Variants in SBF2 observed in about 807,000 individuals in gnomAD.
SBF2 encodes SET binding factor 2.
SBF2 carries 112 observed loss-of-function variants against 225.2 expected under a neutral mutation model. That is an observed-to-expected ratio of 0.50 (90% CI 0.43 to 0.58). SBF2 has a LOEUF of 0.58. SBF2 is among the 20% of genes least tolerant of loss of function. SBF2 has a pLI of 0.00. For missense variants in SBF2, 1,996 were observed against 2,206.2 expected, an observed-to-expected ratio of 0.90 and a Z score of 1.91; for synonymous variants, 763 against 773.3, an observed-to-expected ratio of 0.99 and a Z score of 0.22.
chr11:9,972,047 G>C (rs566931260), intron 13 of SBF2, among the ~76,000 whole-genome samples: 3 of 152,268 alleles, frequency 2.0e-5, no homozygotes, highest in African/African-American at 7.2e-5. Context: ...GTATAACAAA[G>C]TATTTTTAGT....
chr11:9,781,776 T>G (rs1445938188), intron 38 of SBF2, 138 bp from the exon 39 acceptor site: 1 of 975,318 alleles, frequency 1.0e-6, no homozygotes, highest in Non-Finnish European at 1.6e-6. Flanking sequence ...CACAAAAAAT[T>G]AATTAATAAT....
intron 10 of SBF2, 96 bp downstream of exon 10, chr11:9,993,825 C>A (rs901234525): frequency 7.8e-7 from 1 of 1,289,852 alleles, no homozygotes; most frequent in South Asian, 1.3e-5. Flanking sequence ...CTCTGCTGTC[C>A]ATCTAACTCT....
intron 1 of SBF2, among the ~76,000 whole-genome samples, chr11:10,202,654 G>A (rs550351270): frequency 3.0e-4 from 45 of 152,292 alleles, no homozygotes; most frequent in Non-Finnish European, 1.6e-4. Flanking sequence ...TGGGCGTGGT[G>A]GCGGGTGCCT....
intron 2 of SBF2, among the ~76,000 whole-genome samples, chr11:10,186,393 C>T (rs1336810268): frequency 6.6e-6 from 1 of 152,102 alleles, no homozygotes; most frequent in African/African-American, 2.4e-5. Context: ...AATAGCTGGG[C>T]ATGGTGGCAC....
chr11:9,780,430 G>A lies in SBF2; in HGVS notation c.5538C>T (p.Ile1846=). The A allele has an allele frequency of 1.2e-6, 2 of 1,613,888 alleles. No individual in the cohort carries two copies. Among genetic ancestry groups the A allele is most frequent in the Non-Finnish European group, 1.7e-6 (2 of 1,179,802 alleles). Residue 1846 remains isoleucine (I), a synonymous_variant, in exon 40 of 40, where the codon ATC becomes ATT. Transcript: ENST00000256190. ...TTGACCATGGGCATCAGGCATCAGA[G>A]ATACAACTCTGGATCTTGTCCATCC... ...QQWMDKIQSC[I]SDA is the part of the protein sequence containing the mutation.
intron 27 of SBF2, among the ~76,000 whole-genome samples, chr11:9,830,341 A>G (rs572457680): frequency 5.3e-5 from 8 of 152,358 alleles, no homozygotes; most frequent in African/African-American, 1.9e-4. Flanking sequence ...CTGTTATTTT[A>G]TTGCCTAACA....
At chr11:10,096,739 T>C (rs1952042268) in intron 2 of SBF2, among the ~76,000 whole-genome samples, 1 of 152,304 alleles carries the variant, frequency 6.6e-6, no homozygotes. Context: ...GTGACAATAA[T>C]AATGCACTTT....
intron 2 of SBF2, among the ~76,000 whole-genome samples, chr11:10,156,278 G>T (rs1235415353): frequency 1.3e-5 from 2 of 152,216 alleles, no homozygotes; most frequent in Non-Finnish European, 2.9e-5. Flanking sequence ...TCTGGACTTT[G>T]GTAACCATGG....
chr11:10,214,903 G>C (rs1652923965), intron 1 of SBF2, among the ~76,000 whole-genome samples: 1 of 152,158 alleles, frequency 6.6e-6, no homozygotes, highest in Non-Finnish European at 1.5e-5. Context: ...ATAAGAATCA[G>C]ATGCTCACAA....
intron 16 of SBF2, among the ~76,000 whole-genome samples, chr11:9,914,556 C>G (rs969006510): frequency 6.6e-6 from 1 of 152,078 alleles, no homozygotes; most frequent in African/African-American, 2.4e-5. Flanking sequence ...GACCAGATAC[C>G]TTAGTGTAAA....
intron 14 of SBF2, among the ~76,000 whole-genome samples, chr11:9,966,282 G>C (rs796729096): frequency 6.6e-6 from 1 of 152,076 alleles, no homozygotes; most frequent in Non-Finnish European, 1.5e-5. Context: ...TAGAGATGGA[G>C]TTTCACCGTG....
At chr11:9,932,754 T>C (rs1864586693) in intron 16 of SBF2, among the ~76,000 whole-genome samples, 1 of 152,062 alleles carries the variant, frequency 6.6e-6, no homozygotes, top group Admixed American at 6.6e-5. Context: ...AGCATCATAA[T>C]GATAGGATCA....
At chr11:9,943,376 C>T (rs1214585477) in intron 16 of SBF2, among the ~76,000 whole-genome samples, 4 of 151,990 alleles carry the variant, frequency 2.6e-5, no homozygotes, top group African/African-American at 4.8e-5. Flanking sequence ...AAATGATTAA[C>T]GAAGTTGATG....
chr11:9,935,882 A>G (rs968489860), intron 16 of SBF2, among the ~76,000 whole-genome samples: 4 of 152,244 alleles, frequency 2.6e-5, no homozygotes, highest in African/African-American at 9.6e-5. Context: ...AATACCATTC[A>G]GGACACAGGC....
At chr11:9,842,102 GCTTT>G in intron 25 of SBF2, among the ~76,000 whole-genome samples, 1 of 152,228 alleles carries the variant, frequency 6.6e-6, no homozygotes, top group Non-Finnish European at 1.5e-5. Flanking sequence ...TTTGCTACTA[GCTTT>G]CTGCCTCTAT....
intron 3 of SBF2, among the ~76,000 whole-genome samples, chr11:10,032,287 A>G (rs1949290060): frequency 6.6e-6 from 1 of 152,134 alleles, no homozygotes; most frequent in African/African-American, 2.4e-5. Context: ...CCCACTGTCA[A>G]CAAACCCTGA....
In SBF2 at chr11:9,858,409, A is replaced by T; in HGVS notation, c.1930-13T>A. 1 of 1,614,012 alleles carries T rather than the reference A, an allele frequency of 6.2e-7. No individual in the cohort carries two copies. The highest frequency in any genetic ancestry group is 8.5e-7 in the Non-Finnish European group (1 of 1,179,846). On this transcript the variant is annotated splice_polypyrimidine_tract_variant and intron_variant, in intron 17 of 39. Coordinates refer to ENST00000256190, the MANE Select transcript of SBF2 (RefSeq NM_030962.4). ...CAGGGGCAAGTTTCTGTGAGAACAC[A>T]CAAAATACATCATCATGGGGCTGGC...
At chr11:9,915,171 G>A (rs939160091) in intron 16 of SBF2, among the ~76,000 whole-genome samples, 4 of 152,156 alleles carry the variant, frequency 2.6e-5, no homozygotes, top group Non-Finnish European at 4.4e-5. Context: ...AAAGAAGGCC[G>A]GGTGCAGTGG....
At chr11:10,248,509 G>C (rs1960023653) in intron 1 of SBF2, among the ~76,000 whole-genome samples, 1 of 152,150 alleles carries the variant, frequency 6.6e-6, no homozygotes, top group Non-Finnish European at 1.5e-5. Flanking sequence ...TTCTGTCTGG[G>C]TCCTAGGCTC....
Sources: gnomAD v4.1 joint callset for allele counts (sites outside exome capture counted in the v4.1 genomes callset) on GRCh38, gnomAD v4.1.1 for gene constraint, MANE v1.5 for transcripts, NCBI Gene and HGNC (gene_info 2026-07-23, HGNC 2026-07-21) for gene names.